Variants in SLC1A1 observed in about 807,000 individuals in gnomAD.
SLC1A1 encodes the protein solute carrier family 1 member 1.
In SLC1A1, 43 loss-of-function variants were observed where a neutral mutation model predicts 53.3. The ratio of observed to expected loss-of-function variants is 0.81; its 90% confidence interval spans 0.63 to 1.04. The LOEUF (loss-of-function observed/expected upper bound fraction) is 1.04, where lower values mean the gene tolerates loss of function less well. SLC1A1 is among the 50% of genes least tolerant of loss of function. SLC1A1 has a pLI of 0.00. For synonymous variants in SLC1A1, 307 were observed against 243.2 expected (o/e 1.26, Z -2.44); for missense variants, 748 against 664.9 (o/e 1.12, Z -1.37).
chr9:4,575,891 C>T (rs527548764), intron 8 of SLC1A1, 110 bp from the exon 9 acceptor site: 8 of 1,267,354 alleles, frequency 6.3e-6, no homozygotes, highest in Middle Eastern at 2.0e-4. Context: ...CTTATTGGGC[C>T]ATTATGAAAG....
chr9:4,544,831 G>A, intron 2 of SLC1A1, 124 bp downstream of exon 2: 1 of 842,112 alleles, frequency 1.2e-6, no homozygotes, highest in Non-Finnish European at 1.9e-6. Flanking sequence ...TCCTGGCTCA[G>A]AAGGTCTCAG....
At chr9:4,575,804 A>C (rs1425008453) in intron 8 of SLC1A1, among the ~76,000 whole-genome samples, 197 bp from the exon 9 acceptor site, 1 of 152,188 alleles carries the variant, frequency 6.6e-6, no homozygotes, top group East Asian at 1.9e-4. Context: ...AACTCTGACA[A>C]GATGCTTCAT....
chr9:4,557,623 A>G (rs1818540003), intron 2 of SLC1A1, among the ~76,000 whole-genome samples: 1 of 130,942 alleles, frequency 7.6e-6, no homozygotes, highest in South Asian at 2.4e-4. Context: ...TCATCTCTAC[A>G]ATTAAAAAAA....
In SLC1A1 at chr9:4,564,357, G is replaced by C; in HGVS notation, c.339G>C (p.Val113=). The change falls in exon 4 of 12, where the codon GTG becomes GTC. Residue 113 remains valine, a synonymous_variant. Transcript: ENST00000262352. ...LIAVILGIVL[V]VSIKPGVTQK... Reference sequence around the variant, plus strand: ...TCTTGGCCACAGGTATTGTGCTGGTGGTGAGCATCAAGCCTGGTGTCACCC... The same window carrying C: ...TCTTGGCCACAGGTATTGTGCTGGTCGTGAGCATCAAGCCTGGTGTCACCC... The C allele has an allele frequency of 1.2e-6, 2 of 1,612,958 alleles. No homozygotes were observed. Among genetic ancestry groups the C allele is most frequent in the South Asian group, 1.1e-5 (1 of 90,880 alleles).
intron 2 of SLC1A1, 29 bp downstream of exon 2, chr9:4,544,736 AT>A (rs1817311944): frequency 6.3e-7 from 1 of 1,582,092 alleles, no homozygotes; most frequent in African/African-American, 1.3e-5. Flanking sequence ...TGTTCTCTAT[AT>A]TAGTCCATTT....
intron 2 of SLC1A1, among the ~76,000 whole-genome samples, chr9:4,547,634 C>A (rs1460718068): frequency 1.3e-5 from 2 of 152,166 alleles, no homozygotes; most frequent in Non-Finnish European, 2.9e-5. Context: ...GATCTCTTCA[C>A]CCAGTAATTC....
At chr9:4,537,140 A>C (rs994755706) in intron 1 of SLC1A1, among the ~76,000 whole-genome samples, 2 of 152,148 alleles carry the variant, frequency 1.3e-5, no homozygotes, top group African/African-American at 4.8e-5. Context: ...ACATGTATAC[A>C]CATGTAACTA....
At chr9:4,572,491 A>T in intron 7 of SLC1A1, 103 bp downstream of exon 7, 1 of 1,026,510 alleles carries the variant, frequency 9.7e-7, no homozygotes, top group South Asian at 1.3e-5. Flanking sequence ...GAAGCTAGAG[A>T]AGTTGGACAT....
chr9:4,552,176 G>C (rs184477781), intron 2 of SLC1A1, among the ~76,000 whole-genome samples: 143 of 152,322 alleles, frequency 9.4e-4, no homozygotes, highest in Non-Finnish European at 1.5e-3. Flanking sequence ...GGACCTGGAA[G>C]ACCATTCGTT....
At chr9:4,507,423 T>G (rs1187475198) in intron 1 of SLC1A1, among the ~76,000 whole-genome samples, 1 of 152,208 alleles carries the variant, frequency 6.6e-6, no homozygotes, top group African/African-American at 2.4e-5. Context: ...TGGAGTTACT[T>G]TTTGAAATCA....
chr9:4,563,174 G>C (rs180871026), intron 3 of SLC1A1, among the ~76,000 whole-genome samples: 2 of 151,710 alleles, frequency 1.3e-5, no homozygotes, highest in Non-Finnish European at 1.5e-5. Flanking sequence ...ATGCCCAGAG[G>C]GGGAAGACAG....
In SLC1A1 at chr9:4,541,500, C is replaced by A. The variant is rs116566885; in HGVS notation, c.92-3067C>A. Among the ~76,000 whole-genome samples, 946 of 152,214 alleles carry A rather than the reference C, an allele frequency of 6.2e-3. 7 individuals carry two copies. Among genetic ancestry groups the A allele is most frequent in the African/African-American group, 0.02 (839 of 41,512 alleles). On this transcript the variant is annotated intron_variant, in intron 1 of 11. Transcript: ENST00000262352. Reference sequence around the variant, plus strand: ...CCTAGTTAGTGTGATAACCATGAAGCCTTTGTGTGAAAGAGGAAAGAGGGA... The same window carrying A: ...CCTAGTTAGTGTGATAACCATGAAGACTTTGTGTGAAAGAGGAAAGAGGGA...
chr9:4,532,483 T>C (rs1331309864), intron 1 of SLC1A1, among the ~76,000 whole-genome samples: 1 of 152,008 alleles, frequency 6.6e-6, no homozygotes, highest in African/African-American at 2.4e-5. Flanking sequence ...ATGAAATGAA[T>C]GAAATGAAGT....
At chr9:4,521,787 T>C (rs529079064) in intron 1 of SLC1A1, among the ~76,000 whole-genome samples, 1 of 152,252 alleles carries the variant, frequency 6.6e-6, no homozygotes, top group Non-Finnish European at 1.5e-5. Flanking sequence ...GTGCAGTTGA[T>C]GGTGGCAGCT....
At chr9:4,493,120 G>C (rs1418147709) in intron 1 of SLC1A1, among the ~76,000 whole-genome samples, 1 of 152,188 alleles carries the variant, frequency 6.6e-6, no homozygotes, top group East Asian at 1.9e-4. Context: ...AGCTTAGTTT[G>C]AGTACTTTTC....
At chr9:4,538,819 A>G (rs1816776968) in intron 1 of SLC1A1, among the ~76,000 whole-genome samples, 1 of 152,234 alleles carries the variant, frequency 6.6e-6, no homozygotes, top group African/African-American at 2.4e-5. Context: ...TTACAGCCTA[A>G]GGGCAGGATG....
At chr9:4,537,966 T>C (rs1387579329) in intron 1 of SLC1A1, among the ~76,000 whole-genome samples, 1 of 152,208 alleles carries the variant, frequency 6.6e-6, no homozygotes, top group Non-Finnish European at 1.5e-5. Context: ...TATATAGCCA[T>C]TAAAAATTAT....
intron 1 of SLC1A1, among the ~76,000 whole-genome samples, chr9:4,513,293 A>T (rs1268739202): frequency 6.6e-6 from 1 of 152,226 alleles, no homozygotes; most frequent in East Asian, 1.9e-4. Context: ...AGAATTGCAG[A>T]TCATATATCC....
chr9:4,495,750 G>T (rs558946495), intron 1 of SLC1A1, among the ~76,000 whole-genome samples: 1 of 151,762 alleles, frequency 6.6e-6, no homozygotes, highest in Non-Finnish European at 1.5e-5. Context: ...AAGGGGAAAT[G>T]GGTGCCTCAG....
Sources: allele counts gnomAD v4.1 joint callset (sites outside exome capture counted in the v4.1 genomes callset), GRCh38; gene constraint gnomAD v4.1.1; transcripts MANE v1.5; gene names NCBI Gene and HGNC (gene_info 2026-07-23, HGNC 2026-07-21).